The following SLC15A1 variants were observed in gnomAD, a reference collection of about 807,000 sequenced individuals.
SLC15A1 encodes the protein Caco-2 oligopeptide transporter.
In SLC15A1, 83 loss-of-function variants were observed where a neutral mutation model predicts 92.9. The observed-to-expected ratio is 0.89, with a 90% CI of 0.75 to 1.07. The LOEUF is 1.07. Among genes scored for constraint, SLC15A1 ranks in the 50% least tolerant of loss-of-function variants. The probability of loss-of-function intolerance (pLI) is 0.00; values close to 1 mark genes in which losing one functional copy is unlikely to be tolerated. For missense variants in SLC15A1, 857 were observed against 880.1 expected (o/e 0.97, Z 0.33); for synonymous variants, 322 against 318.2 (o/e 1.01, Z -0.13).
At chr13:98,741,170 C>T (rs1280562735) in intron 1 of SLC15A1, among the ~76,000 whole-genome samples, 1 of 152,216 alleles carries the variant, frequency 6.6e-6, no homozygotes, top group Admixed American at 6.5e-5. Flanking sequence ...CCACTCAATC[C>T]AATCAGAAAA....
chr13:98,721,940 T>A (rs1209510791), intron 5 of SLC15A1, 37 bp from the exon 6 acceptor site: 1 of 1,559,484 alleles, frequency 6.4e-7, no homozygotes, highest in African/African-American at 1.4e-5. Flanking sequence ...ACATGGCAGA[T>A]CCTCGCAAGT....
intron 21 of SLC15A1, among the ~76,000 whole-genome samples, chr13:98,686,815 G>T (rs1341938693): frequency 6.6e-6 from 1 of 152,008 alleles, no homozygotes; most frequent in Non-Finnish European, 1.5e-5. Flanking sequence ...AGGCATTGTG[G>T]GCTATAATGC....
intron 18 of SLC15A1, among the ~76,000 whole-genome samples, chr13:98,692,801 A>G (rs1385434365): frequency 1.3e-5 from 2 of 152,154 alleles, no homozygotes; most frequent in Non-Finnish European, 2.9e-5. Flanking sequence ...GCTGCAGTGC[A>G]GTGGCACCAA....
At chr13:98,714,254 TG>T (rs150287038) in intron 9 of SLC15A1, among the ~76,000 whole-genome samples, 2,999 of 152,126 alleles carry the variant, frequency 0.02, 45 homozygotes, top group Middle Eastern at 0.054. Context: ...AGCTTTTTGG[TG>T]GGAACAGTTC....
At chr13:98,731,400 G>A (rs2088349531) in intron 1 of SLC15A1, among the ~76,000 whole-genome samples, 1 of 152,230 alleles carries the variant, frequency 6.6e-6, no homozygotes, top group Admixed American at 6.5e-5. Flanking sequence ...CTGTAGTGCC[G>A]TGCGTTCTTG....
intron 15 of SLC15A1, 57 bp from the exon 16 acceptor site, chr13:98,706,310 TC>T: frequency 6.3e-7 from 1 of 1,588,302 alleles, no homozygotes; most frequent in Non-Finnish European, 8.6e-7. Flanking sequence ...TGGAAAGTCA[TC>T]TTAACCCTGA....
At chr13:98,698,196 T>G (rs531405116) in intron 18 of SLC15A1, among the ~76,000 whole-genome samples, 33 of 152,348 alleles carry the variant, frequency 2.2e-4, no homozygotes, top group African/African-American at 7.5e-4. Flanking sequence ...GGATACATTT[T>G]CAAGGATATA....
At chr13:98,701,033 C>T (rs2052385645) in intron 18 of SLC15A1, among the ~76,000 whole-genome samples, 1 of 152,136 alleles carries the variant, frequency 6.6e-6, no homozygotes, top group South Asian at 2.1e-4. Context: ...TTTCCATATA[C>T]ATTTTAGAAG....
At chr13:98,723,741 A>G (rs2088277265) in intron 5 of SLC15A1, among the ~76,000 whole-genome samples, 171 bp downstream of exon 5, 1 of 152,210 alleles carries the variant, frequency 6.6e-6, no homozygotes, top group African/African-American at 2.4e-5. Flanking sequence ...TAGGGTGGTG[A>G]CATCCTGAAG....
Position 98,684,834 on chromosome 13 carries a change from T to G in SLC15A1, c.2017A>C (p.Ile673Leu). The change falls in exon 23 of 23, where the codon ATC becomes CTC. Residue 673 changes from isoleucine to leucine, a missense_variant. Transcript: ENST00000376503. ...TGAGCTTCGATCTCCGCTGGGTTGA[T>G]GTAAGTATAGAACCGAGCCATGATG... The part of the protein sequence containing the change: ...FAIMARFYTY[I>L]NPAEIEAQFD... 1 of 1,614,154 alleles carries G rather than the reference T, an allele frequency of 6.2e-7. No individual in the cohort carries two copies.
At chr13:98,690,490 C>A (rs922807498) in intron 18 of SLC15A1, among the ~76,000 whole-genome samples, 5 of 152,174 alleles carry the variant, frequency 3.3e-5, no homozygotes, top group African/African-American at 1.2e-4. Context: ...GGAAGCAGAA[C>A]GTTGGGCCTG....
intron 1 of SLC15A1, among the ~76,000 whole-genome samples, chr13:98,728,526 T>C (rs1205795169): frequency 6.6e-6 from 1 of 151,974 alleles, no homozygotes; most frequent in Non-Finnish European, 1.5e-5. Context: ...ATGGAGGTAG[T>C]AGTGGGTAGA....
chr13:98,687,029 C>T lies in SLC15A1; in HGVS notation c.1827+552G>A, dbSNP rs1420227300. Among the ~76,000 whole-genome samples, 5 of 150,120 alleles carry T rather than the reference C, an allele frequency of 3.3e-5. 1 individual carries two copies. Among genetic ancestry groups the T allele is most frequent in the Admixed American group, 1.3e-4 (2 of 14,958 alleles). On this transcript the variant is annotated intron_variant, in intron 21 of 22. Transcript: ENST00000376503. ...GTGGTGTGATCACAGCTCACTGCTG[C>T]CTCGGACTCCTGGGTTTAAGCAATC...
intron 1 of SLC15A1, among the ~76,000 whole-genome samples, chr13:98,729,857 T>C (rs974254108): frequency 7.2e-5 from 11 of 152,142 alleles, no homozygotes; most frequent in African/African-American, 2.7e-4. Context: ...GTGCTGGTGT[T>C]ATTTCCACTC....
intron 18 of SLC15A1, among the ~76,000 whole-genome samples, chr13:98,700,044 A>G (rs1258586193): frequency 3.4e-4 from 51 of 152,238 alleles, no homozygotes; most frequent in Non-Finnish European, 1.5e-5. Context: ...AATTCTATTT[A>G]CATTGAGCTT....
Position 98,726,188 on chromosome 13 carries a change from C to T in SLC15A1, c.180G>A (p.Val60=). 1.2e-6 allele frequency: 2 copies of T among 1,614,074 alleles called. No homozygotes were observed. The highest frequency in any genetic ancestry group is 1.7e-6 in the Non-Finnish European group (2 of 1,180,018). ...GAATTGGCGTCAGGTAGCACAGAGCCACAAACGTATGGTAGATGGCGGTGG... is the reference window on the plus strand; with the variant it reads ...GAATTGGCGTCAGGTAGCACAGAGCTACAAACGTATGGTAGATGGCGGTGG... ...NLSTAIYHTF[V]ALCYLTPILG... Residue 60 remains valine (V), a synonymous_variant, in exon 4 of 23, where the codon GTG becomes GTA. Transcript: ENST00000376503.
chr13:98,713,053 GTTTA>G (rs1401438826), intron 9 of SLC15A1, among the ~76,000 whole-genome samples: 4 of 152,018 alleles, frequency 2.6e-5, no homozygotes, highest in African/African-American at 7.2e-5. Flanking sequence ...CATAATCTCA[GTTTA>G]TTTGTTTGTT....
chr13:98,697,834 G>C (rs975477650), intron 18 of SLC15A1, among the ~76,000 whole-genome samples: 2 of 152,162 alleles, frequency 1.3e-5, no homozygotes, highest in Non-Finnish European at 2.9e-5. Flanking sequence ...ATCCAAGAAA[G>C]AAAGGCATTA....
chr13:98,731,840 T>C (rs569616951), intron 1 of SLC15A1, among the ~76,000 whole-genome samples: 4 of 152,352 alleles, frequency 2.6e-5, no homozygotes, highest in South Asian at 2.1e-4. Flanking sequence ...ACAATCATTA[T>C]ACACCTAACT....
Sources: allele counts gnomAD v4.1 joint callset (sites outside exome capture counted in the v4.1 genomes callset), GRCh38; gene constraint gnomAD v4.1.1; transcripts MANE v1.5; gene names NCBI Gene and HGNC (gene_info 2026-07-23, HGNC 2026-07-21).